The following TDRD9 variants were observed in gnomAD, a reference collection of about 807,000 sequenced individuals.
TDRD9 encodes ATP-dependent RNA helicase TDRD9.
TDRD9 carries 124 observed loss-of-function variants against 172.6 expected under a neutral mutation model. The observed-to-expected ratio is 0.72, with a 90% confidence interval of 0.62 to 0.83. TDRD9 has a LOEUF of 0.83. Among genes scored for constraint, TDRD9 ranks in the 40% least tolerant of loss-of-function variants. The probability of loss-of-function intolerance (pLI) is 0.00; values close to 1 mark genes in which losing one functional copy is unlikely to be tolerated. For missense variants in TDRD9, 1,479 were observed against 1,714.1 expected, an observed-to-expected ratio of 0.86 and a Z score of 2.42; for synonymous variants, 619 against 617.1, an observed-to-expected ratio of 1.00 and a Z score of -0.05.
chr14:103,978,528 G>A (rs1327998916), intron 7 of TDRD9, among the ~76,000 whole-genome samples: 4 of 152,118 alleles, frequency 2.6e-5, no homozygotes, highest in African/African-American at 9.7e-5. Flanking sequence ...ATCCCGTCCG[G>A]GATGCTACAT....
At chr14:103,948,200 A>G (rs2031673031) in intron 1 of TDRD9, among the ~76,000 whole-genome samples, 2 of 151,122 alleles carry the variant, frequency 1.3e-5, no homozygotes, top group South Asian at 4.2e-4. Flanking sequence ...TATTTTTTGT[A>G]GAGACAGGGT....
rs1461149085 is a variant in TDRD9, at chr14:103,987,866, T to C, written c.1115+1546T>C. On this transcript the variant is annotated intron_variant, in intron 8 of 35. Coordinates refer to ENST00000409874, the MANE Select transcript of TDRD9 (RefSeq NM_153046.3). ...ATATTGATGTCCTCAGCAGTTGTTATTGAATTGCCTATTTCTTCAATCTTT... is the reference window on the plus strand; with the variant it reads ...ATATTGATGTCCTCAGCAGTTGTTACTGAATTGCCTATTTCTTCAATCTTT... Among the ~76,000 whole-genome samples, 4 of 152,220 alleles carry C rather than the reference T, an allele frequency of 2.6e-5. No homozygotes were observed. The East Asian group carries it at 7.7e-4, about 29-fold the overall frequency.
chr14:103,986,149 C>T, intron 7 of TDRD9, 68 bp from the exon 8 acceptor site: 3 of 1,124,936 alleles, frequency 2.7e-6, no homozygotes, highest in South Asian at 2.6e-5. Flanking sequence ...GAGCCAGTCC[C>T]ATCCAACGCC....
chr14:103,952,779 C>T (rs1426392190), intron 1 of TDRD9, among the ~76,000 whole-genome samples: 1 of 131,566 alleles, frequency 7.6e-6, no homozygotes, highest in South Asian at 2.4e-4. Context: ...CACTCTGTCG[C>T]CCAGGCTGGA....
chr14:103,958,068 C>CGA, intron 2 of TDRD9, among the ~76,000 whole-genome samples: 1 of 151,942 alleles, frequency 6.6e-6, no homozygotes, highest in Admixed American at 6.5e-5. Context: ...TATGAGACAG[C>CGA]GAGAATATGA....
intron 8 of TDRD9, among the ~76,000 whole-genome samples, chr14:103,987,824 A>G (rs967235623): frequency 1.3e-5 from 2 of 152,132 alleles, no homozygotes; most frequent in Non-Finnish European, 2.9e-5. Flanking sequence ...GTTGCTCTAT[A>G]TATTATCGAA....
chr14:104,024,507 A>G, intron 24 of TDRD9, 62 bp from the exon 25 acceptor site: 2 of 876,488 alleles, frequency 2.3e-6, no homozygotes, highest in Non-Finnish European at 3.7e-6. Context: ...AATTTCACAT[A>G]TGTAAATGTG....
chr14:104,040,370 G>C (rs749234658), intron 33 of TDRD9, 36 bp downstream of exon 33: 3 of 1,488,330 alleles, frequency 2.0e-6, no homozygotes, highest in Non-Finnish European at 2.7e-6. Flanking sequence ...CCACAACCCT[G>C]TCTCTCTCTG....
intron 1 of TDRD9, among the ~76,000 whole-genome samples, chr14:103,952,190 G>GTGTGTATATATATATATA (rs1366094210): frequency 1.8e-5 from 1 of 55,532 alleles, no homozygotes; most frequent in Non-Finnish European, 3.1e-5. Context: ...GCGTGTGTGT[G>GTGTGTATATATATATATA]TATATATATA....
intron 6 of TDRD9, among the ~76,000 whole-genome samples, chr14:103,971,246 T>G (rs553939555): frequency 2.5e-3 from 375 of 152,048 alleles, no homozygotes; most frequent in Middle Eastern, 3.4e-3. Flanking sequence ...GCCTCCCAAA[T>G]TGCTGGGATT....
intron 13 of TDRD9, among the ~76,000 whole-genome samples, chr14:104,002,384 A>G (rs534346758): frequency 2.9e-4 from 44 of 152,160 alleles, no homozygotes; most frequent in Non-Finnish European, 4.9e-4. Flanking sequence ...TTAAAGAACA[A>G]TTTGCAAATT....
At chr14:104,005,454 C>A in intron 15 of TDRD9, 49 bp downstream of exon 15, 3 of 1,600,712 alleles carry the variant, frequency 1.9e-6, no homozygotes, top group Non-Finnish European at 2.6e-6. Context: ...GAGCTGTGTT[C>A]TACTGTGGCT....
intron 5 of TDRD9, among the ~76,000 whole-genome samples, chr14:103,967,535 TAAC>T (rs1167521246): frequency 1.3e-5 from 2 of 151,750 alleles, no homozygotes; most frequent in African/African-American, 4.8e-5. Flanking sequence ...AAAACAACAA[TAAC>T]AACCAAAAGG....
chr14:104,000,014 T>A (rs2034206498), intron 13 of TDRD9, among the ~76,000 whole-genome samples: 1 of 152,098 alleles, frequency 6.6e-6, no homozygotes, highest in Non-Finnish European at 1.5e-5. Flanking sequence ...GTTAAGAGAA[T>A]GACTAAGCAG....
chr14:103,932,850 G>A (rs2030491442), intron 1 of TDRD9, among the ~76,000 whole-genome samples: 1 of 152,094 alleles, frequency 6.6e-6, no homozygotes, highest in African/African-American at 2.4e-5. Context: ...ATCAGCAGAA[G>A]AACATGGGCA....
intron 21 of TDRD9, 104 bp from the exon 22 acceptor site, chr14:104,015,877 T>C (rs1158110428): frequency 1.3e-6 from 1 of 765,278 alleles, no homozygotes; most frequent in South Asian, 2.5e-5. Context: ...TAACCATCTT[T>C]TACATTTATG....
intron 1 of TDRD9, 148 bp from the exon 2 acceptor site, chr14:103,955,516 C>A: frequency 1.9e-6 from 1 of 530,336 alleles, no homozygotes; most frequent in Non-Finnish European, 3.3e-6. Flanking sequence ...TAATTTGCAT[C>A]TGCCTGGTAA....
intron 1 of TDRD9, among the ~76,000 whole-genome samples, chr14:103,952,987 G>A (rs879457436): frequency 6.6e-5 from 10 of 151,408 alleles, no homozygotes; most frequent in Non-Finnish European, 1.2e-4. Context: ...TGATCCACCC[G>A]CCTCGACCTC....
intron 24 of TDRD9, among the ~76,000 whole-genome samples, chr14:104,022,840 G>C (rs1289493794): frequency 6.6e-6 from 1 of 152,098 alleles, no homozygotes. Flanking sequence ...GTGCACTTGG[G>C]CACATTACCT....
Sources: allele counts gnomAD v4.1 joint callset (sites outside exome capture counted in the v4.1 genomes callset), GRCh38; gene constraint gnomAD v4.1.1; transcripts MANE v1.5; gene names NCBI Gene and HGNC (gene_info 2026-07-23, HGNC 2026-07-21).